Variants in NDFIP2 observed in about 807,000 individuals in gnomAD.
NDFIP2 encodes NEDD4 family-interacting protein 2.
Under a neutral mutation model 36.0 loss-of-function variants are expected in NDFIP2, and 19 were observed. That is an observed-to-expected ratio of 0.53 (90% CI 0.37 to 0.77). NDFIP2 has a LOEUF of 0.77. Ranked by LOEUF, NDFIP2 falls within the 30% of genes least tolerant of loss-of-function variation. The probability of loss-of-function intolerance (pLI) is 0.00; values close to 1 mark genes in which losing one functional copy is unlikely to be tolerated. For synonymous variants in NDFIP2, 181 were observed against 167.7 expected, an observed-to-expected ratio of 1.08 and a Z score of -0.61; for missense variants, 446 against 435.8, an observed-to-expected ratio of 1.02 and a Z score of -0.21.
At chr13:79,548,428 G>T in intron 6 of NDFIP2, 34 bp downstream of exon 6, 1 of 1,445,934 alleles carries the variant, frequency 6.9e-7, no homozygotes, top group South Asian at 1.2e-5. Flanking sequence ...AGTTTAACTT[G>T]GATATTTCCA....
intron 5 of NDFIP2, among the ~76,000 whole-genome samples, chr13:79,546,276 G>C (rs1398321883): frequency 6.6e-6 from 1 of 152,090 alleles, no homozygotes; most frequent in Non-Finnish European, 1.5e-5. Flanking sequence ...GAGCTGCGAT[G>C]AACCTCGGAT....
Position 79,539,678 on chromosome 13 carries a change from A to C in NDFIP2, c.622-4A>C. On this transcript the variant is annotated splice_region_variant and splice_polypyrimidine_tract_variant and intron_variant, in intron 3 of 7. Coordinates refer to ENST00000218652, the MANE Select transcript of NDFIP2 (RefSeq NM_019080.3). ...TGAGCTATTCCAATGTTACATATTT[A>C]CAGATTCAGGAGGAAGAGTGTCCAC... is the stretch of plus-strand genomic sequence containing the variant. The C allele has an allele frequency of 6.2e-7, 1 of 1,611,358 alleles. No individual in the cohort carries two copies. Among genetic ancestry groups the C allele is most frequent in the Non-Finnish European group, 8.5e-7 (1 of 1,177,680 alleles).
In NDFIP2 at chr13:79,507,190, A is replaced by G. The variant is rs7491371; in HGVS notation, c.322-13620A>G. On this transcript the variant is annotated intron_variant, in intron 1 of 7. Transcript: ENST00000218652. ...TAGCTCTATGTTTAACCTTAGTTCT[A>G]TATTTAAATGGATTCAGTGCTTACC... 1.1e-3 allele frequency among the ~76,000 whole-genome samples: 161 copies of G among 150,776 alleles called. 2 individuals carry two copies. The East Asian group carries it at 0.022, about 20-fold the overall frequency.
chr13:79,539,258 G>A (rs754377399), intron 3 of NDFIP2, among the ~76,000 whole-genome samples: 8 of 152,058 alleles, frequency 5.3e-5, no homozygotes, highest in Non-Finnish European at 1.0e-4. Context: ...TGTATTTTAA[G>A]AACTGGAATT....
intron 1 of NDFIP2, among the ~76,000 whole-genome samples, chr13:79,495,651 C>T (rs911995613): frequency 2.6e-5 from 4 of 151,878 alleles, no homozygotes; most frequent in African/African-American, 9.7e-5. Flanking sequence ...TTAGGTCTTA[C>T]TTTTAACAGC....
At chr13:79,531,431 A>C (rs1277020290) in intron 2 of NDFIP2, among the ~76,000 whole-genome samples, 1 of 152,146 alleles carries the variant, frequency 6.6e-6, no homozygotes, top group African/African-American at 2.4e-5. Flanking sequence ...AAGCTTTGAA[A>C]CCAGGAATTG....
chr13:79,548,633 A>G (rs921481374), intron 6 of NDFIP2, among the ~76,000 whole-genome samples: 47 of 152,068 alleles, frequency 3.1e-4, no homozygotes, highest in African/African-American at 1.1e-3. Context: ...ATGCTAAAAA[A>G]TTTTAAAATA....
chr13:79,508,756 A>C (rs573038091), intron 1 of NDFIP2, among the ~76,000 whole-genome samples: 17 of 152,328 alleles, frequency 1.1e-4, no homozygotes, highest in African/African-American at 3.6e-4. Flanking sequence ...TTGGGAATGC[A>C]GCCCAGTAGG....
intron 1 of NDFIP2, among the ~76,000 whole-genome samples, chr13:79,505,754 A>C (rs1873840207): frequency 6.6e-6 from 1 of 152,166 alleles, no homozygotes; most frequent in Admixed American, 6.5e-5. Context: ...TTACAGCAAA[A>C]GGGCACTATG....
chr13:79,549,576 T>C (rs1461640196), intron 6 of NDFIP2, among the ~76,000 whole-genome samples: 2 of 151,866 alleles, frequency 1.3e-5, no homozygotes, highest in East Asian at 1.9e-4. Flanking sequence ...CTCTCACATA[T>C]GCTGAAAAGA....
At chr13:79,489,520 G>A (rs1410012589) in intron 1 of NDFIP2, among the ~76,000 whole-genome samples, 1 of 152,192 alleles carries the variant, frequency 6.6e-6, no homozygotes, top group Non-Finnish European at 1.5e-5. Flanking sequence ...CATACATGGA[G>A]GGGAGAATGT....
chr13:79,502,507 TGAG>T (rs1873705691), intron 1 of NDFIP2, among the ~76,000 whole-genome samples: 1 of 152,114 alleles, frequency 6.6e-6, no homozygotes, highest in Non-Finnish European at 1.5e-5. Flanking sequence ...TAAAGTTGGC[TGAG>T]GAGAATAAAG....
At chr13:79,486,851 A>G (rs573222398) in intron 1 of NDFIP2, among the ~76,000 whole-genome samples, 1 of 152,314 alleles carries the variant, frequency 6.6e-6, no homozygotes, top group Admixed American at 6.5e-5. Flanking sequence ...ATTCAATACA[A>G]TAACGTGCTG....
rs1346536876 is a variant in NDFIP2, at chr13:79,507,374, C to G, written c.322-13436C>G. Among the ~76,000 whole-genome samples, 2 of 63,534 alleles carry G rather than the reference C, an allele frequency of 3.1e-5. 1 individual carries two copies. Among genetic ancestry groups the G allele is most frequent in the African/African-American group, 3.2e-4 (2 of 6,182 alleles). The allele number at this position is 63,534 out of a possible 152,430, so 41.7% of individuals were successfully genotyped here. A position where few individuals can be genotyped will look rare whatever the true frequency, so the allele number is the denominator to read the frequency against. ...CTGCAAGCTCCGCCTCCCGGGTTCA[C>G]GCCATTCTCCTGCCTCAGCCTCCCA... is the stretch of plus-strand genomic sequence containing the variant. On this transcript the variant is annotated intron_variant, in intron 1 of 7. Coordinates refer to ENST00000218652, the MANE Select transcript of NDFIP2 (RefSeq NM_019080.3).
chr13:79,536,646 C>T (rs909856782), intron 3 of NDFIP2, among the ~76,000 whole-genome samples: 4 of 152,100 alleles, frequency 2.6e-5, no homozygotes, highest in African/African-American at 9.7e-5. Context: ...AATCAATATG[C>T]TATTGAAACT....
At chr13:79,509,688 T>TAGAGAGAGAGAG (rs147787220) in intron 1 of NDFIP2, among the ~76,000 whole-genome samples, 39 of 140,482 alleles carry the variant, frequency 2.8e-4, no homozygotes, top group South Asian at 6.9e-4. Context: ...TATATATATA[T>TAGAGAGAGAGAG]ATAGAGAGAG....
chr13:79,527,969 T>A (rs1874864790), intron 2 of NDFIP2, among the ~76,000 whole-genome samples: 1 of 152,072 alleles, frequency 6.6e-6, no homozygotes, highest in African/African-American at 2.4e-5. Flanking sequence ...TTGCAGTTTT[T>A]AATAAAAAAG....
intron 2 of NDFIP2, among the ~76,000 whole-genome samples, chr13:79,521,620 T>G (rs1874585116): frequency 6.6e-6 from 1 of 152,188 alleles, no homozygotes; most frequent in South Asian, 2.1e-4. Context: ...TTCATCTTAT[T>G]CTGTATTTAA....
intron 1 of NDFIP2, among the ~76,000 whole-genome samples, chr13:79,497,100 C>T (rs1224990359): frequency 6.6e-6 from 1 of 151,922 alleles, no homozygotes; most frequent in Non-Finnish European, 1.5e-5. Flanking sequence ...TCTGGATCTT[C>T]TGAATATTTT....
Sources: gnomAD v4.1 joint callset for allele counts (sites outside exome capture counted in the v4.1 genomes callset) on GRCh38, gnomAD v4.1.1 for gene constraint, MANE v1.5 for transcripts, NCBI Gene and HGNC (gene_info 2026-07-23, HGNC 2026-07-21) for gene names.